The following CTNNA3 variants were observed in gnomAD, a reference collection of about 807,000 sequenced individuals.
CTNNA3 encodes catenin alpha-3.
A neutral mutation model predicts 95.7 loss-of-function variants in CTNNA3; 76 were observed. The observed-to-expected ratio is 0.79, with a 90% confidence interval of 0.66 to 0.96. The LOEUF is 0.96. Among genes scored for constraint, CTNNA3 ranks in the 40% least tolerant of loss-of-function variants. CTNNA3 has a pLI of 0.00. For synonymous variants in CTNNA3, 431 were observed against 374.4 expected (o/e 1.15, Z -1.74); for missense variants, 1,191 against 1,089.8 (o/e 1.09, Z -1.31).
intron 9 of CTNNA3, among the ~76,000 whole-genome samples, chr10:66,754,584 C>T (rs1289218915): frequency 3.3e-5 from 5 of 152,092 alleles, no homozygotes; most frequent in African/African-American, 1.2e-4. Context: ...AGAGAACCCA[C>T]AGCATGGAAG....
intron 9 of CTNNA3, among the ~76,000 whole-genome samples, chr10:66,693,732 A>G (rs1376358447): frequency 3.3e-5 from 5 of 151,988 alleles, no homozygotes; most frequent in African/African-American, 7.2e-5. Context: ...CTCAGCAAAT[A>G]TAAAAGAACA....
chr10:67,049,618 A>G (rs1007367063), intron 7 of CTNNA3, among the ~76,000 whole-genome samples: 7 of 152,160 alleles, frequency 4.6e-5, no homozygotes, highest in African/African-American at 1.7e-4. Context: ...AATAAACAAC[A>G]AAACTAAAAC....
rs1314104655 is a variant in CTNNA3 at position 66,210,021 on chromosome 10, T to C, written c.1884+70449A>G. Reference sequence around the variant, plus strand: ...GGTGCTCCCTTCTGGCTCTCGGATCTTAAAATCACAGTAAATATATTGCTG... The same window carrying C: ...GGTGCTCCCTTCTGGCTCTCGGATCCTAAAATCACAGTAAATATATTGCTG... On this transcript the variant is annotated intron_variant, in intron 13 of 17. Transcript: ENST00000433211. Among the ~76,000 whole-genome samples the C allele has an allele frequency of 2.0e-5, 3 of 152,092 alleles. No individual in the cohort carries two copies. The East Asian group carries it at 5.8e-4, about 29-fold the overall frequency.
chr10:67,726,410 T>C (rs1448432463), intron 1 of CTNNA3, among the ~76,000 whole-genome samples: 2 of 57,010 alleles, frequency 3.5e-5, no homozygotes, highest in East Asian at 6.1e-4. Flanking sequence ...TATTATATCA[T>C]ATATAATATT....
intron 5 of CTNNA3, among the ~76,000 whole-genome samples, chr10:67,326,185 C>T (rs930876662): frequency 6.6e-6 from 1 of 152,140 alleles, no homozygotes; most frequent in African/African-American, 2.4e-5. Flanking sequence ...ATCTAACTTG[C>T]CACTCTGTGC....
At chr10:66,152,492 T>C (rs1364445486) in intron 13 of CTNNA3, among the ~76,000 whole-genome samples, 1 of 151,864 alleles carries the variant, frequency 6.6e-6, no homozygotes, top group Non-Finnish European at 1.5e-5. Context: ...TCATGTATAC[T>C]TTCACAATAT....
chr10:66,548,132 G>A (rs1055513009), intron 10 of CTNNA3, among the ~76,000 whole-genome samples: 2 of 151,934 alleles, frequency 1.3e-5, no homozygotes, highest in African/African-American at 4.8e-5. Flanking sequence ...GGTCAGGCTG[G>A]TCTCAAACTC....
At chr10:66,619,206 A>G (rs1415288404) in intron 10 of CTNNA3, among the ~76,000 whole-genome samples, 2 of 151,522 alleles carry the variant, frequency 1.3e-5, no homozygotes, top group Non-Finnish European at 2.9e-5. Flanking sequence ...CCATCCCATT[A>G]CTGGGTATAT....
intron 10 of CTNNA3, among the ~76,000 whole-genome samples, chr10:66,595,600 G>T (rs1305591886): frequency 6.6e-6 from 1 of 152,036 alleles, no homozygotes; most frequent in African/African-American, 2.4e-5. Context: ...GCCTCCCAAA[G>T]TGCTGGGATT....
At chr10:66,260,137 A>G (rs2132097394) in intron 13 of CTNNA3, among the ~76,000 whole-genome samples, 1 of 152,254 alleles carries the variant, frequency 6.6e-6, no homozygotes, top group East Asian at 1.9e-4. Flanking sequence ...ATCCACCAGG[A>G]GAACAACTGT....
intron 9 of CTNNA3, among the ~76,000 whole-genome samples, chr10:66,743,280 G>C (rs757015636): frequency 6.6e-6 from 1 of 152,112 alleles, no homozygotes; most frequent in East Asian, 1.9e-4. Context: ...ATACAGAATA[G>C]TACCTAATCT....
At chr10:67,126,495 G>A (rs1002578013) in intron 7 of CTNNA3, among the ~76,000 whole-genome samples, 7 of 152,196 alleles carry the variant, frequency 4.6e-5, no homozygotes, top group African/African-American at 1.4e-4. Flanking sequence ...GGCTTGCAGC[G>A]AGCCAAGATT....
intron 7 of CTNNA3, among the ~76,000 whole-genome samples, chr10:67,078,788 T>G (rs1481502473): frequency 6.6e-6 from 1 of 152,164 alleles, no homozygotes; most frequent in African/African-American, 2.4e-5. Context: ...CGTGCTGAGA[T>G]TACAGATGTG....
At chr10:67,699,387 T>C (rs770175481), upstream of CTNNA3, among the ~76,000 whole-genome samples, 5 of 152,176 alleles carry the variant, frequency 3.3e-5, no homozygotes, top group African/African-American at 4.8e-5. Flanking sequence ...TTTTTAAGTC[T>C]ATCAACAACC....
chr10:66,169,694 T>A (rs1348363632), intron 13 of CTNNA3, among the ~76,000 whole-genome samples: 2 of 152,136 alleles, frequency 1.3e-5, no homozygotes, highest in African/African-American at 2.4e-5. Flanking sequence ...ATTATTTGTT[T>A]ATTTTTTGAT....
chr10:67,206,353 A>C (rs1480252636), intron 6 of CTNNA3, among the ~76,000 whole-genome samples: 2 of 152,112 alleles, frequency 1.3e-5, no homozygotes, highest in Non-Finnish European at 2.9e-5. Flanking sequence ...ATTCTGGTTT[A>C]ATGCTTATCA....
intron 9 of CTNNA3, among the ~76,000 whole-genome samples, chr10:66,709,667 T>A (rs999256650): frequency 2.6e-5 from 4 of 152,142 alleles, no homozygotes; most frequent in Non-Finnish European, 4.4e-5. Flanking sequence ...GTTGGTGTTG[T>A]TTATTACAAA....
chr10:66,108,973 G>C (rs2082014384), intron 13 of CTNNA3, among the ~76,000 whole-genome samples: 1 of 152,062 alleles, frequency 6.6e-6, no homozygotes. Context: ...TTTGTGTAGA[G>C]AAAGGTTTTC....
At chr10:67,556,899 T>C (rs184862383) in intron 3 of CTNNA3, among the ~76,000 whole-genome samples, 1 of 152,358 alleles carries the variant, frequency 6.6e-6, no homozygotes, top group Admixed American at 6.5e-5. Flanking sequence ...TTTAGTGCTA[T>C]AAATTTCCCC....
Sources: allele counts gnomAD v4.1 joint callset (sites outside exome capture counted in the v4.1 genomes callset), GRCh38; gene constraint gnomAD v4.1.1; transcripts MANE v1.5; gene names NCBI Gene and HGNC (gene_info 2026-07-23, HGNC 2026-07-21).